LUZP2: variants seen among roughly 807,000 people sequenced by gnomAD.
The protein encoded by LUZP2 is leucine zipper protein 2.
A neutral mutation model predicts 51.6 loss-of-function variants in LUZP2; 52 were observed. The observed-to-expected ratio is 1.01, with a 90% CI of 0.81 to 1.27. LUZP2 has a LOEUF of 1.27. LUZP2 is among the 50% of genes most tolerant of loss of function. The probability of loss-of-function intolerance (pLI) is 0.00; values close to 1 mark genes in which losing one functional copy is unlikely to be tolerated. For missense variants in LUZP2, 436 were observed against 395.4 expected, an observed-to-expected ratio of 1.10 and a Z score of -0.87; for synonymous variants, 154 against 137.3, an observed-to-expected ratio of 1.12 and a Z score of -0.85.
intron 1 of LUZP2, among the ~76,000 whole-genome samples, chr11:24,573,002 A>T (rs1011372191): frequency 1.3e-5 from 2 of 152,070 alleles, no homozygotes; most frequent in African/African-American, 2.4e-5. Flanking sequence ...AGGCTGTAAT[A>T]TTCTTTATTT....
intron 1 of LUZP2, among the ~76,000 whole-genome samples, chr11:24,525,017 A>G (rs1019268960): frequency 4.6e-5 from 7 of 151,544 alleles, no homozygotes; most frequent in African/African-American, 1.5e-4. Context: ...GAACAAACAT[A>G]TTTGCCACTA....
At chr11:24,831,363 C>G (rs1280818275) in intron 5 of LUZP2, among the ~76,000 whole-genome samples, 1 of 152,150 alleles carries the variant, frequency 6.6e-6, no homozygotes, top group Non-Finnish European at 1.5e-5. Flanking sequence ...AGTATGTAGT[C>G]ACTTCTGTAG....
At chr11:24,663,978 C>A (rs1202770419) in intron 1 of LUZP2, among the ~76,000 whole-genome samples, 1 of 152,138 alleles carries the variant, frequency 6.6e-6, no homozygotes, top group Non-Finnish European at 1.5e-5. Flanking sequence ...ATTACCCAGT[C>A]TTGGGTATGT....
chr11:24,971,600 C>G (rs946873420), intron 7 of LUZP2, among the ~76,000 whole-genome samples: 21 of 151,950 alleles, frequency 1.4e-4, no homozygotes, highest in African/African-American at 5.1e-4. Flanking sequence ...CCGCATGTAA[C>G]AAATCTGCAC....
intron 9 of LUZP2, among the ~76,000 whole-genome samples, chr11:24,996,323 T>TCTCC (rs1373636934): frequency 6.6e-6 from 1 of 151,370 alleles, no homozygotes; most frequent in Admixed American, 6.6e-5. Context: ...TCTCTCTCTC[T>TCTCC]CTCCAATTAA....
chr11:24,717,673 C>T (rs557794509), intron 1 of LUZP2, among the ~76,000 whole-genome samples: 5 of 152,070 alleles, frequency 3.3e-5, no homozygotes, highest in Admixed American at 3.3e-4. Flanking sequence ...CCTCAGCCTC[C>T]GAAAGTGCTG....
intron 1 of LUZP2, among the ~76,000 whole-genome samples, chr11:24,708,060 A>G (rs1857664928): frequency 6.6e-6 from 1 of 152,138 alleles, no homozygotes; most frequent in African/African-American, 2.4e-5. Context: ...AGCAGGTAGC[A>G]GGTAATTGGA....
intron 1 of LUZP2, among the ~76,000 whole-genome samples, chr11:24,617,981 G>T (rs1179391192): frequency 6.6e-6 from 1 of 152,118 alleles, no homozygotes; most frequent in Non-Finnish European, 1.5e-5. Flanking sequence ...GGCAGGGTAA[G>T]AGAAAATGCC....
rs570131596 is a variant in LUZP2 at position 24,908,908 on chromosome 11, C to G, written c.459+2855C>G. 1.2e-3 allele frequency among the ~76,000 whole-genome samples: 178 copies of G among 151,524 alleles called. No individual in the cohort carries two copies. In the South Asian group the frequency reaches 0.014, roughly 12 times the overall value. Reference sequence around the variant, plus strand: ...GTAGCTGGGACTATCGGACTATTAGCCCGCCACCACACCCAGCTAATTTTT... The same window carrying G: ...GTAGCTGGGACTATCGGACTATTAGGCCGCCACCACACCCAGCTAATTTTT... On this transcript the variant is annotated intron_variant, in intron 6 of 11. Transcript: ENST00000336930.
chr11:24,624,452 T>A (rs940278637), intron 1 of LUZP2, among the ~76,000 whole-genome samples: 4 of 152,284 alleles, frequency 2.6e-5, no homozygotes, highest in African/African-American at 9.6e-5. Context: ...TGTCTATTAT[T>A]TCAAGAGCAT....
intron 1 of LUZP2, among the ~76,000 whole-genome samples, chr11:24,624,281 G>A (rs953611696): frequency 6.6e-6 from 1 of 152,048 alleles, no homozygotes; most frequent in African/African-American, 2.4e-5. Context: ...CAATAGTCAC[G>A]AGTGTCCTGT....
At chr11:24,615,115 G>C (rs1297859390) in intron 1 of LUZP2, among the ~76,000 whole-genome samples, 1 of 151,290 alleles carries the variant, frequency 6.6e-6, no homozygotes, top group Non-Finnish European at 1.5e-5. Context: ...TAATTTTGAG[G>C]TAATTGTAAA....
rs544914811 is a variant in LUZP2 at position 24,748,801 on chromosome 11, T to C, written c.333+10499T>C. Among the ~76,000 whole-genome samples, 6 of 152,296 alleles carry C rather than the reference T, an allele frequency of 3.9e-5. No individual in the cohort carries two copies. In the East Asian group the frequency reaches 1.2e-3, roughly 29 times the overall value. ...AAAATCACATATCAGTATATATTTA[T>C]GTATGTAGGTATCTATAAATATACA... On this transcript the variant is annotated intron_variant, in intron 4 of 11. Transcript: ENST00000336930.
intron 1 of LUZP2, among the ~76,000 whole-genome samples, chr11:24,538,799 G>C (rs1851265759): frequency 6.6e-6 from 1 of 151,694 alleles, no homozygotes; most frequent in Non-Finnish European, 1.5e-5. Context: ...AAAAGAAATA[G>C]ATTAAATATT....
chr11:24,715,107 G>C (rs943571328), intron 1 of LUZP2, among the ~76,000 whole-genome samples: 4 of 152,072 alleles, frequency 2.6e-5, no homozygotes, highest in Non-Finnish European at 5.9e-5. Flanking sequence ...ATATCTGGGC[G>C]TAAGTGGACA....
chr11:24,789,679 T>A, intron 5 of LUZP2, among the ~76,000 whole-genome samples: 1 of 152,196 alleles, frequency 6.6e-6, no homozygotes, highest in Non-Finnish European at 1.5e-5. Flanking sequence ...TTCCAGAAGC[T>A]GGGAAGTCCA....
At chr11:24,779,980 C>A (rs1849041209) in intron 5 of LUZP2, among the ~76,000 whole-genome samples, 1 of 152,128 alleles carries the variant, frequency 6.6e-6, no homozygotes. Flanking sequence ...GGGACATATT[C>A]TCCCGTAGGG....
chr11:24,992,359 CTA>C (rs1401204510), intron 9 of LUZP2, among the ~76,000 whole-genome samples: 1 of 151,922 alleles, frequency 6.6e-6, no homozygotes, highest in Non-Finnish European at 1.5e-5. Flanking sequence ...GTGTCTGTGT[CTA>C]TGTGTGATGG....
At chr11:24,822,975 T>C (rs956459095) in intron 5 of LUZP2, among the ~76,000 whole-genome samples, 20 of 152,226 alleles carry the variant, frequency 1.3e-4, no homozygotes, top group Admixed American at 6.5e-4. Flanking sequence ...GTAATAATCA[T>C]TCATATATTC....
Sources: allele counts gnomAD v4.1 joint callset (sites outside exome capture counted in the v4.1 genomes callset), GRCh38; gene constraint gnomAD v4.1.1; transcripts MANE v1.5; gene names NCBI Gene and HGNC (gene_info 2026-07-23, HGNC 2026-07-21).